ATRNL1: variants seen among roughly 807,000 people sequenced by gnomAD.
ATRNL1 encodes the protein attractin-like protein 1.
A neutral mutation model predicts 182.7 loss-of-function variants in ATRNL1; 95 were observed. The ratio of observed to expected loss-of-function variants is 0.52; its 90% CI spans 0.44 to 0.62. ATRNL1 has a LOEUF of 0.62. Ranked by LOEUF, ATRNL1 falls within the 20% of genes least tolerant of loss-of-function variation. The pLI is 0.00. For synonymous variants in ATRNL1, 576 were observed against 568.3 expected, an observed-to-expected ratio of 1.01 and a Z score of -0.19; for missense variants, 1,471 against 1,679.5, an observed-to-expected ratio of 0.88 and a Z score of 2.17.
chr10:115,891,235 G>T (rs1377133084), intron 28 of ATRNL1, among the ~76,000 whole-genome samples: 6 of 152,180 alleles, frequency 3.9e-5, no homozygotes, highest in Non-Finnish European at 7.3e-5. Context: ...CATTGGGAGT[G>T]AGGACACTTA....
chr10:115,357,547 A>G (rs1554943154), intron 19 of ATRNL1, among the ~76,000 whole-genome samples: 2 of 151,710 alleles, frequency 1.3e-5, no homozygotes, highest in Non-Finnish European at 3.0e-5. Flanking sequence ...ATCCTCCTTA[A>G]TATATTATTT....
Position 115,753,473 on chromosome 10 carries a change from G to A in ATRNL1, c.3903+26118G>A, listed in dbSNP as rs554503156. 6.6e-5 allele frequency among the ~76,000 whole-genome samples: 10 copies of A among 152,136 alleles called. No individual in the cohort carries two copies. In the South Asian group the frequency reaches 1.9e-3, roughly 29 times the overall value. On this transcript the variant is annotated intron_variant, in intron 27 of 28. Coordinates refer to ENST00000355044, the MANE Select transcript of ATRNL1 (RefSeq NM_207303.4). ...AGTTTGCTGAGAATGATGGTTTCCG[G>A]CTTCATCCATGTCCCTGCAAAGGAT... is the stretch of plus-strand genomic sequence containing the variant.
Position 115,840,432 on chromosome 10 carries a change from A to G in ATRNL1, c.3904-7445A>G, listed in dbSNP as rs910360620. ...AACTGGACAGAATGGTGTAATAACA[A>G]TCACTGACTTACTGAGTACTTACTG... is the stretch of plus-strand genomic sequence containing the variant. On this transcript the variant is annotated intron_variant, in intron 27 of 28. Coordinates refer to ENST00000355044, the MANE Select transcript of ATRNL1 (RefSeq NM_207303.4). Among the ~76,000 whole-genome samples the G allele has an allele frequency of 9.9e-5, 15 of 152,172 alleles. 1 individual carries two copies. The highest frequency in any genetic ancestry group is 8.5e-4 in the Admixed American group (13 of 15,264).
intron 18 of ATRNL1, among the ~76,000 whole-genome samples, chr10:115,318,916 T>C (rs1554930519): frequency 6.6e-6 from 1 of 152,168 alleles, no homozygotes; most frequent in Non-Finnish European, 1.5e-5. Flanking sequence ...ATCTCAGTTA[T>C]TTCTTGTCTT....
At chr10:115,868,867 T>C (rs1468769545) in intron 28 of ATRNL1, among the ~76,000 whole-genome samples, 19 of 120,026 alleles carry the variant, frequency 1.6e-4, no homozygotes, top group Non-Finnish European at 2.0e-4. Flanking sequence ...TCTCGCTCTG[T>C]CGCCCAGGCT....
intron 27 of ATRNL1, among the ~76,000 whole-genome samples, chr10:115,802,021 A>AACACACACACACACACCCACACAC (rs1949805928): frequency 7.9e-6 from 1 of 125,964 alleles, no homozygotes. Context: ...AAAAAAAAGA[A>AACACACACACACACACCCACACAC]ACACACACAC....
intron 19 of ATRNL1, among the ~76,000 whole-genome samples, chr10:115,341,886 A>T (rs1029853867): frequency 3.3e-5 from 5 of 151,756 alleles, no homozygotes; most frequent in African/African-American, 1.2e-4. Context: ...CCATTCCTTT[A>T]TCATAGGCTA....
At chr10:115,773,619 G>A (rs1949047594) in intron 27 of ATRNL1, among the ~76,000 whole-genome samples, 1 of 152,120 alleles carries the variant, frequency 6.6e-6, no homozygotes, top group Admixed American at 6.5e-5. Context: ...AATTTCAGCA[G>A]AGCATTCAGC....
intron 27 of ATRNL1, among the ~76,000 whole-genome samples, chr10:115,758,899 T>A (rs1555072784): frequency 6.6e-6 from 1 of 152,258 alleles, no homozygotes. Context: ...TAAAATACAT[T>A]AGCTTATTTT....
At chr10:115,587,065 CG>C (rs1219035646) in intron 26 of ATRNL1, among the ~76,000 whole-genome samples, 2 of 149,648 alleles carry the variant, frequency 1.3e-5, no homozygotes, top group African/African-American at 4.9e-5. Context: ...TTAGGCTGCT[CG>C]GGGGTCAGGG....
intron 26 of ATRNL1, among the ~76,000 whole-genome samples, chr10:115,639,124 A>T (rs1353262577): frequency 6.6e-6 from 1 of 152,228 alleles, no homozygotes; most frequent in African/African-American, 2.4e-5. Flanking sequence ...TGAAAAATAT[A>T]ATCAGAGAAG....
At chr10:115,781,522 T>C (rs372122784) in intron 27 of ATRNL1, among the ~76,000 whole-genome samples, 7 of 152,180 alleles carry the variant, frequency 4.6e-5, no homozygotes, top group African/African-American at 1.4e-4. Flanking sequence ...TGCAACCATA[T>C]GGGTGAATCC....
Position 115,469,379 on chromosome 10 carries a change from A to G in ATRNL1, c.3654+50A>G, listed in dbSNP as rs184958009. The G allele has an allele frequency of 4.1e-5, 50 of 1,220,574 alleles. No homozygotes were observed. The African/African-American group carries it at 6.7e-4, about 16-fold the overall frequency. The allele number at this position is 1,220,574 out of a possible 1,614,324, so 75.6% of individuals were successfully genotyped here. A position where few individuals can be genotyped will look rare whatever the true frequency, so the allele number is the denominator to read the frequency against. On this transcript the variant is annotated intron_variant, in intron 24 of 28. Coordinates refer to ENST00000355044, the MANE Select transcript of ATRNL1 (RefSeq NM_207303.4). The stretch of plus-strand genomic sequence containing the variant: ...TAATGACCATAATATCATTAAGAAA[A>G]GAATGGTGCTTTTGTCCAAAGTGAT...
At chr10:115,150,617 A>C (rs1347530076) in intron 5 of ATRNL1, among the ~76,000 whole-genome samples, 1 of 151,648 alleles carries the variant, frequency 6.6e-6, no homozygotes, top group Non-Finnish European at 1.5e-5. Context: ...CATGTTTTTA[A>C]ATTTGCATGT....
intron 9 of ATRNL1, among the ~76,000 whole-genome samples, chr10:115,234,592 C>CTT (rs554861467): frequency 1.6e-4 from 21 of 133,812 alleles, no homozygotes; most frequent in African/African-American, 2.4e-4. Flanking sequence ...TTTTCTTTTT[C>CTT]TTTTTTTTTT....
chr10:115,439,400 A>G (rs891146894), intron 21 of ATRNL1, among the ~76,000 whole-genome samples: 3 of 151,910 alleles, frequency 2.0e-5, no homozygotes, highest in African/African-American at 7.2e-5. Flanking sequence ...CTCTCTGAAC[A>G]TTGGTTTACA....
intron 21 of ATRNL1, among the ~76,000 whole-genome samples, chr10:115,432,381 A>G (rs1469095717): frequency 6.6e-6 from 1 of 152,156 alleles, no homozygotes; most frequent in Non-Finnish European, 1.5e-5. Flanking sequence ...TATCAGAAGC[A>G]TAATGGTAAA....
chr10:115,925,792 T>G (rs1953212521), intron 28 of ATRNL1, among the ~76,000 whole-genome samples: 1 of 152,092 alleles, frequency 6.6e-6, no homozygotes, highest in African/African-American at 2.4e-5. Context: ...ATAAAGAGAC[T>G]TAGACTCCCA....
At chr10:115,814,822 C>T (rs1354687275) in intron 27 of ATRNL1, among the ~76,000 whole-genome samples, 1 of 152,182 alleles carries the variant, frequency 6.6e-6, no homozygotes, top group African/African-American at 2.4e-5. Context: ...CTTCTACCTA[C>T]TTGGCATAAA....
Sources: allele counts gnomAD v4.1 joint callset (sites outside exome capture counted in the v4.1 genomes callset), GRCh38; gene constraint gnomAD v4.1.1; transcripts MANE v1.5; gene names NCBI Gene and HGNC (gene_info 2026-07-23, HGNC 2026-07-21).